Variants in CERKL observed in about 807,000 individuals in gnomAD.
CERKL encodes the protein ceramide kinase-like protein.
In CERKL, 61 loss-of-function variants were observed where a neutral mutation model predicts 63.4. The ratio of observed to expected loss-of-function variants is 0.96; its 90% CI spans 0.78 to 1.19. CERKL has a LOEUF of 1.19. CERKL is among the 50% of genes most tolerant of loss of function. The pLI, the probability that CERKL is intolerant of heterozygous loss-of-function variation, is 0.00. For missense variants in CERKL, 675 were observed against 655.5 expected, an observed-to-expected ratio of 1.03 and a Z score of -0.33; for synonymous variants, 250 against 230.5, an observed-to-expected ratio of 1.08 and a Z score of -0.77.
At chr2:181,548,908 A>G in intron 6 of CERKL, 51 bp from the exon 7 acceptor site, 1 of 1,520,552 alleles carries the variant, frequency 6.6e-7, no homozygotes, top group Non-Finnish European at 9.1e-7. Flanking sequence ...GACTTGTATC[A>G]AAACAGCAAA....
At chr2:181,622,063 A>G (rs1574507593) in intron 1 of CERKL, among the ~76,000 whole-genome samples, 1 of 152,346 alleles carries the variant, frequency 6.6e-6, no homozygotes, top group Admixed American at 6.5e-5. Context: ...TATAGATAGC[A>G]AGAGGTGAAG....
intron 5 of CERKL, among the ~76,000 whole-genome samples, chr2:181,553,657 T>C (rs185319172): frequency 2.6e-5 from 4 of 152,324 alleles, no homozygotes; most frequent in Admixed American, 2.6e-4. Flanking sequence ...AACTTTTCTC[T>C]AATTCTGTAG....
At chr2:181,581,957 T>C (rs1012514955) in intron 2 of CERKL, among the ~76,000 whole-genome samples, 1 of 152,372 alleles carries the variant, frequency 6.6e-6, no homozygotes, top group Middle Eastern at 3.4e-3. Context: ...ATAGGGCATC[T>C]TGCCTACCTA....
intron 2 of CERKL, among the ~76,000 whole-genome samples, chr2:181,591,916 C>A (rs1685004939): frequency 6.6e-6 from 1 of 152,122 alleles, no homozygotes; most frequent in East Asian, 1.9e-4. Flanking sequence ...AGAGAAATGG[C>A]TGATTCCTGG....
intron 1 of CERKL, among the ~76,000 whole-genome samples, chr2:181,625,989 T>C (rs1459629455): frequency 6.6e-6 from 1 of 152,200 alleles, no homozygotes; most frequent in Non-Finnish European, 1.5e-5. Context: ...GAATGCTCAC[T>C]ACACCATAAA....
intron 1 of CERKL, among the ~76,000 whole-genome samples, chr2:181,621,485 A>T (rs1047733371): frequency 6.6e-6 from 1 of 152,178 alleles, no homozygotes; most frequent in Non-Finnish European, 1.5e-5. Flanking sequence ...AATTGATTCA[A>T]AGAGTCTGAT....
chr2:181,581,113 A>T (rs542360648), intron 2 of CERKL, among the ~76,000 whole-genome samples: 1 of 152,152 alleles, frequency 6.6e-6, no homozygotes, highest in Non-Finnish European at 1.5e-5. Flanking sequence ...ATCAAAATTA[A>T]TCATCTTTGC....
At chr2:181,609,533 T>TGGAAAAAAA in intron 1 of CERKL, among the ~76,000 whole-genome samples, 1 of 70,234 alleles carries the variant, frequency 1.4e-5, no homozygotes, top group African/African-American at 4.7e-5. Context: ...CTGTCTCTAC[T>TGGAAAAAAA]AAAAAAAAAA....
rs1310854314 is a variant in CERKL at position 181,537,936 on chromosome 2, T to C, written c.*248A>G. 1 of 607,158 alleles carries C rather than the reference T, an allele frequency of 1.6e-6. No homozygotes were observed. The highest frequency in any genetic ancestry group is 3.4e-5 in the East Asian group (1 of 29,414). The allele number at this position is 607,158 out of a possible 1,614,324, so 37.6% of individuals were successfully genotyped here. A position where few individuals can be genotyped will look rare whatever the true frequency, so the allele number is the denominator to read the frequency against. On this transcript the variant is annotated 3_prime_UTR_variant, in exon 13 of 13. Coordinates refer to ENST00000410087, the MANE Select transcript of CERKL (RefSeq NM_201548.5). The stretch of plus-strand genomic sequence containing the variant: ...TCAGATCAGCAGCAGCATTAGATTC[T>C]CATAGAAGTGCGAACCATATGGTGA...
intron 1 of CERKL, among the ~76,000 whole-genome samples, chr2:181,640,751 T>C (rs1388673578): frequency 2.0e-5 from 3 of 152,222 alleles, no homozygotes; most frequent in African/African-American, 7.2e-5. Context: ...CATGTTTGGA[T>C]TTCTGCAATT....
Position 181,554,996 on chromosome 2 carries a change from A to G in CERKL, c.820+3570T>C, listed in dbSNP as rs535881177. Among the ~76,000 whole-genome samples, 10 of 152,328 alleles carry G rather than the reference A, an allele frequency of 6.6e-5. No individual in the cohort carries two copies. The East Asian group carries it at 1.9e-3, about 29-fold the overall frequency. ...CTGTGTCTTCTAAACAAGACAGGTT[A>G]AAATGGCATTACTACAAATATCCAA... On this transcript the variant is annotated intron_variant, in intron 5 of 12. Transcript: ENST00000410087.
At chr2:181,563,240 C>A (rs553321009) in intron 4 of CERKL, among the ~76,000 whole-genome samples, 8 of 152,000 alleles carry the variant, frequency 5.3e-5, no homozygotes, top group Non-Finnish European at 1.0e-4. Context: ...GGACACACTG[C>A]AGTGGAGAAC....
At position 181,629,322 on chromosome 2, in the gene CERKL, A is replaced by G. The variant is rs562959109; in HGVS notation, c.239-25243T>C. Among the ~76,000 whole-genome samples, 8 of 152,304 alleles carry G rather than the reference A, an allele frequency of 5.3e-5. No individual in the cohort carries two copies. In the East Asian group the frequency reaches 1.5e-3, roughly 29 times the overall value. Reference sequence around the variant, plus strand: ...CCTCTCAGGAACACAGTGGATTTAGATAACAGGGCAGTGTTGCACTTTTAA... The same window carrying G: ...CCTCTCAGGAACACAGTGGATTTAGGTAACAGGGCAGTGTTGCACTTTTAA... On this transcript the variant is annotated intron_variant, in intron 1 of 12. Coordinates refer to ENST00000410087, the MANE Select transcript of CERKL (RefSeq NM_201548.5).
chr2:181,585,243 C>G (rs550567416), intron 2 of CERKL, among the ~76,000 whole-genome samples: 1 of 152,250 alleles, frequency 6.6e-6, no homozygotes, highest in South Asian at 2.1e-4. Context: ...ATTCTGCTCT[C>G]TGCTATGTTT....
intron 1 of CERKL, among the ~76,000 whole-genome samples, chr2:181,613,219 ACT>A (rs1491490006): frequency 6.6e-6 from 1 of 152,030 alleles, no homozygotes; most frequent in Non-Finnish European, 1.5e-5. Context: ...TATAAGTTTG[ACT>A]TTTTTGGATT....
At chr2:181,551,250 T>C (rs1687975037) in intron 5 of CERKL, among the ~76,000 whole-genome samples, 1 of 152,160 alleles carries the variant, frequency 6.6e-6, no homozygotes, top group East Asian at 1.9e-4. Flanking sequence ...CAAACTCAGT[T>C]AAGTTGCAGG....
chr2:181,573,834 G>A lies in CERKL; in HGVS notation c.532C>T (p.His178Tyr). ...SLKILLNPQS[H>Y]KKEATQVYYE... is the part of the protein sequence containing the mutation. ...TAAACCTGGGTAGCTTCTTTTTTGT[G>A]ACTTTGGGGGTTAAGGAGTATTTTT... Residue 178 changes from histidine (H) to tyrosine (Y), a missense_variant, in exon 3 of 13, where the codon CAC (histidine) becomes TAC (tyrosine). Transcript: ENST00000410087. The A allele has an allele frequency of 6.2e-7, 1 of 1,612,364 alleles. No individual in the cohort carries two copies. Among genetic ancestry groups the A allele is most frequent in the Non-Finnish European group, 8.5e-7 (1 of 1,179,122 alleles).
chr2:181,653,309 A>G (rs1688016009), intron 1 of CERKL, among the ~76,000 whole-genome samples: 1 of 152,222 alleles, frequency 6.6e-6, no homozygotes, highest in South Asian at 2.1e-4. Context: ...CACCGGTGGT[A>G]TGATTGTAAA....
At chr2:181,580,637 A>G (rs185065506) in intron 2 of CERKL, among the ~76,000 whole-genome samples, 41 of 152,318 alleles carry the variant, frequency 2.7e-4, no homozygotes, top group African/African-American at 9.6e-4. Context: ...TGTGATAAAC[A>G]TATTTATCAT....
Sources: allele counts gnomAD v4.1 joint callset (sites outside exome capture counted in the v4.1 genomes callset), GRCh38; gene constraint gnomAD v4.1.1; transcripts MANE v1.5; gene names NCBI Gene and HGNC (gene_info 2026-07-23, HGNC 2026-07-21).